Variants in ZMIZ1 observed in about 807,000 individuals in gnomAD.
The protein encoded by ZMIZ1 is zinc finger MIZ domain-containing protein 1.
Under a neutral mutation model 113.9 loss-of-function variants are expected in ZMIZ1, and 17 were observed. The ratio of observed to expected loss-of-function variants is 0.15; its 90% CI spans 0.10 to 0.22. The LOEUF is 0.22. ZMIZ1 is among the 10% of genes least tolerant of loss of function. The pLI is 1.00. For missense variants in ZMIZ1, 1,059 were observed against 1,477.8 expected, an observed-to-expected ratio of 0.72 and a Z score of 4.65; for synonymous variants, 607 against 603.1, an observed-to-expected ratio of 1.01 and a Z score of -0.09.
intron 7 of ZMIZ1, among the ~76,000 whole-genome samples, chr10:79,265,454 C>CA (rs1471049422): frequency 3.4e-5 from 5 of 145,622 alleles, no homozygotes; most frequent in Non-Finnish European, 6.0e-5. Flanking sequence ...CAGACAACTC[C>CA]TTTTTTTTCT....
At chr10:79,192,973 TC>T (rs1320790586) in intron 4 of ZMIZ1, among the ~76,000 whole-genome samples, 9 of 152,208 alleles carry the variant, frequency 5.9e-5, no homozygotes, top group Admixed American at 2.6e-4. Context: ...CTTTCTGACT[TC>T]CCTGAGGTAG....
chr10:79,311,374 C>G (rs545594459), intron 24 of ZMIZ1, among the ~76,000 whole-genome samples, 190 bp downstream of exon 24: 71 of 152,286 alleles, frequency 4.7e-4, no homozygotes, highest in African/African-American at 1.5e-3. Context: ...CTGAGGGTCC[C>G]CACCCTGCTG....
At chr10:79,206,106 CAAAA>C (rs79155220) in intron 5 of ZMIZ1, among the ~76,000 whole-genome samples, 1 of 95,108 alleles carries the variant, frequency 1.1e-5, no homozygotes, top group Non-Finnish European at 2.3e-5. Flanking sequence ...AGACCCTGTC[CAAAA>C]AAAAAAAAAA....
chr10:79,167,197 G>A (rs11002856), intron 4 of ZMIZ1, among the ~76,000 whole-genome samples: 2 of 152,218 alleles, frequency 1.3e-5, no homozygotes, highest in Non-Finnish European at 2.9e-5. Context: ...TCTTCTTGCC[G>A]TTTAAAGTGT....
rs78898816 is a variant in ZMIZ1, at chr10:79,277,114, G to C, written c.281-67G>C. ...ATAGCACCCAGTCTGGGGAGAGTTG[G>C]GGGGGGGTCTTGGTGTGGCAGAGCA... On this transcript the variant is annotated intron_variant, in intron 7 of 24. Coordinates refer to ENST00000334512, the MANE Select transcript of ZMIZ1 (RefSeq NM_020338.4). The C allele has an allele frequency of 3.9e-5, 56 of 1,442,190 alleles. 2 individuals carry two copies. The highest frequency in any genetic ancestry group is 3.7e-4 in the South Asian group (24 of 65,200). 89.3% of individuals were successfully genotyped at this position (1,442,190 alleles called of 1,614,324 possible). A position where few individuals can be genotyped will look rare whatever the true frequency, so the allele number is the denominator to read the frequency against.
intron 1 of ZMIZ1, among the ~76,000 whole-genome samples, chr10:79,074,980 G>T (rs1185609518): frequency 6.6e-6 from 1 of 152,258 alleles, no homozygotes; most frequent in East Asian, 1.9e-4. Flanking sequence ...GAGCTAATTA[G>T]ATTTCTTAGA....
chr10:79,284,118 C>T (rs1484195266), intron 8 of ZMIZ1, among the ~76,000 whole-genome samples: 2 of 152,218 alleles, frequency 1.3e-5, no homozygotes, highest in Non-Finnish European at 2.9e-5. Flanking sequence ...GCTGCCATAG[C>T]GGGTGCACAG....
chr10:79,094,002 A>G (rs1843082692), intron 1 of ZMIZ1, among the ~76,000 whole-genome samples: 1 of 152,200 alleles, frequency 6.6e-6, no homozygotes, highest in African/African-American at 2.4e-5. Context: ...CGCAGTGAGC[A>G]CTGGGTGGAT....
At chr10:79,222,579 T>C (rs1179758925) in intron 7 of ZMIZ1, among the ~76,000 whole-genome samples, 3 of 152,124 alleles carry the variant, frequency 2.0e-5, no homozygotes, top group African/African-American at 4.8e-5. Context: ...CTGACAGCCA[T>C]GGGAAATGTC....
At chr10:79,132,654 G>A (rs558003337) in intron 2 of ZMIZ1, among the ~76,000 whole-genome samples, 1 of 152,354 alleles carries the variant, frequency 6.6e-6, no homozygotes, top group East Asian at 1.9e-4. Context: ...AATTGGAAAT[G>A]GCTCTTCAAG....
At position 79,312,948 on chromosome 10, in the gene ZMIZ1, TG is replaced by T. The variant is rs1161986943; in HGVS notation, c.*202del. The stretch of plus-strand genomic sequence containing the variant: ...GCACCAGTGCACCAGGAAGGCTGTG[TG>T]GGTCTGGAGCCCACGTCCCACCTCC... On this transcript the variant is annotated 3_prime_UTR_variant, in exon 25 of 25. Transcript: ENST00000334512. The T allele has an allele frequency of 1.9e-5, 11 of 591,080 alleles. No homozygotes were observed. In the East Asian group the frequency reaches 2.8e-4, roughly 15 times the overall value. The allele number at this position is 591,080 out of a possible 1,614,324, so 36.6% of individuals were successfully genotyped here.
chr10:79,109,625 A>G (rs929332836), intron 1 of ZMIZ1, among the ~76,000 whole-genome samples: 4 of 151,926 alleles, frequency 2.6e-5, no homozygotes, highest in African/African-American at 7.3e-5. Flanking sequence ...GTTTCTCCCC[A>G]CCATGCCTAT....
intron 2 of ZMIZ1, among the ~76,000 whole-genome samples, chr10:79,128,297 G>C (rs955601616): frequency 6.6e-6 from 1 of 152,178 alleles, no homozygotes; most frequent in African/African-American, 2.4e-5. Context: ...ACCTCTCCCT[G>C]CACCATACTC....
At chr10:79,175,589 T>A (rs920555903) in intron 4 of ZMIZ1, among the ~76,000 whole-genome samples, 10 of 59,140 alleles carry the variant, frequency 1.7e-4, no homozygotes, top group African/African-American at 4.7e-4. Flanking sequence ...TCTGCGTGTG[T>A]GTGTGTGTGT....
At chr10:79,144,318 C>T (rs1845397587) in intron 3 of ZMIZ1, among the ~76,000 whole-genome samples, 1 of 152,204 alleles carries the variant, frequency 6.6e-6, no homozygotes. Context: ...CGTCTGACTC[C>T]AGAACCCATG....
At chr10:79,258,718 G>T (rs1851074311) in intron 7 of ZMIZ1, among the ~76,000 whole-genome samples, 1 of 152,222 alleles carries the variant, frequency 6.6e-6, no homozygotes, top group African/African-American at 2.4e-5. Flanking sequence ...GCCCAGCCCA[G>T]ATAGCTCCCC....
chr10:79,261,546 C>T (rs1416796387), intron 7 of ZMIZ1, among the ~76,000 whole-genome samples: 1 of 152,220 alleles, frequency 6.6e-6, no homozygotes, highest in Non-Finnish European at 1.5e-5. Flanking sequence ...TGTCCCTCGC[C>T]TACCTGGGGC....
At chr10:79,107,774 C>G (rs1174413768) in intron 1 of ZMIZ1, among the ~76,000 whole-genome samples, 1 of 152,194 alleles carries the variant, frequency 6.6e-6, no homozygotes, top group African/African-American at 2.4e-5. Flanking sequence ...GAGGATGGCA[C>G]TCATGCCTAC....
chr10:79,079,972 G>T (rs1404381920), intron 1 of ZMIZ1, among the ~76,000 whole-genome samples: 1 of 152,254 alleles, frequency 6.6e-6, no homozygotes, highest in Non-Finnish European at 1.5e-5. Context: ...GGGGCACACG[G>T]TGTCTTCAGA....
Sources: gnomAD v4.1 joint callset for allele counts (sites outside exome capture counted in the v4.1 genomes callset) on GRCh38, gnomAD v4.1.1 for gene constraint, MANE v1.5 for transcripts, NCBI Gene and HGNC (gene_info 2026-07-23, HGNC 2026-07-21) for gene names.